SPAG16: variants seen among roughly 807,000 people sequenced by gnomAD.
SPAG16 encodes the protein sperm-associated antigen 16 protein.
SPAG16 carries 86 observed loss-of-function variants against 80.4 expected under a neutral mutation model. The observed-to-expected ratio is 1.07, with a 90% CI of 0.90 to 1.28. The LOEUF is 1.28. Ranked by LOEUF, SPAG16 falls within the 50% of genes most tolerant of loss-of-function variation. The probability of loss-of-function intolerance (pLI) is 0.00; values close to 1 mark genes in which losing one functional copy is unlikely to be tolerated. For synonymous variants in SPAG16, 294 were observed against 265.9 expected (o/e 1.11, Z -1.03); for missense variants, 870 against 765.3 (o/e 1.14, Z -1.61).
chr2:213,406,635 A>G (rs1273789851), intron 9 of SPAG16, among the ~76,000 whole-genome samples: 1 of 152,202 alleles, frequency 6.6e-6, no homozygotes, highest in Admixed American at 6.5e-5. Context: ...CAGTTTAGAA[A>G]TAAGACCTAA....
At chr2:213,916,525 T>C (rs1020026177) in intron 11 of SPAG16, among the ~76,000 whole-genome samples, 15 of 152,222 alleles carry the variant, frequency 9.9e-5, no homozygotes, top group Admixed American at 9.2e-4. Context: ...AGCCTTGTAG[T>C]ATATTTTGAA....
At chr2:213,860,413 AT>A (rs2075379748) in intron 10 of SPAG16, among the ~76,000 whole-genome samples, 2 of 93,962 alleles carry the variant, frequency 2.1e-5, no homozygotes, top group Admixed American at 2.7e-4. Flanking sequence ...ACATATATAA[AT>A]ATATGTGTGT....
chr2:213,862,740 C>A (rs1041271039), intron 11 of SPAG16, 112 bp downstream of exon 11: 31 of 1,173,330 alleles, frequency 2.6e-5, no homozygotes, highest in Non-Finnish European at 3.4e-5. Flanking sequence ...CAACAACACA[C>A]CCTGCACTGA....
intron 10 of SPAG16, among the ~76,000 whole-genome samples, chr2:213,763,933 G>A (rs2068796748): frequency 1.3e-5 from 2 of 152,164 alleles, no homozygotes; most frequent in Non-Finnish European, 2.9e-5. Flanking sequence ...AGCGAGGTTT[G>A]CACAGTTGGG....
intron 15 of SPAG16, among the ~76,000 whole-genome samples, chr2:214,363,072 T>C (rs1028452329): frequency 6.6e-6 from 1 of 151,972 alleles, no homozygotes. Context: ...CCCTCTCTCC[T>C]ATTACTTTAA....
At chr2:213,748,502 T>A (rs1241529137) in intron 10 of SPAG16, among the ~76,000 whole-genome samples, 1 of 152,112 alleles carries the variant, frequency 6.6e-6, no homozygotes, top group Non-Finnish European at 1.5e-5. Flanking sequence ...TTTATTTCAT[T>A]AGTTCTTTGT....
At chr2:213,602,289 C>T (rs185179038) in intron 10 of SPAG16, among the ~76,000 whole-genome samples, 1 of 152,110 alleles carries the variant, frequency 6.6e-6, no homozygotes, top group Admixed American at 6.5e-5. Flanking sequence ...CATTAAGTGA[C>T]CCAGATCTAT....
At chr2:213,435,316 A>C (rs1337757087) in intron 9 of SPAG16, among the ~76,000 whole-genome samples, 2 of 152,228 alleles carry the variant, frequency 1.3e-5, no homozygotes, top group Non-Finnish European at 2.9e-5. Flanking sequence ...TCTCACTTAT[A>C]AGTGAGTGCT....
chr2:213,601,384 GTT>G (rs1157416420), intron 10 of SPAG16, among the ~76,000 whole-genome samples: 1 of 152,126 alleles, frequency 6.6e-6, no homozygotes, highest in East Asian at 1.9e-4. Flanking sequence ...TGGAGTATCA[GTT>G]TCTGAGCCCT....
rs35019214 is a variant in SPAG16 at position 214,041,452 on chromosome 2, C to CTTT, written c.1527+27385_1527+27387dup. ...CTAGGTTGGTGATTTGTAGTAGTTT[C>CTTT]TTTTTTTTTTTTAAATCATGGCTAA... is the stretch of plus-strand genomic sequence containing the variant. On this transcript the variant is annotated intron_variant, in intron 13 of 15. Coordinates refer to ENST00000331683, the MANE Select transcript of SPAG16 (RefSeq NM_024532.5). 6.6e-3 allele frequency among the ~76,000 whole-genome samples: 952 copies of CTTT among 143,240 alleles called. 16 individuals carry two copies. The highest frequency in any genetic ancestry group is 0.023 in the African/African-American group (895 of 38,718). The allele number at this position is 143,240 out of a possible 152,430, so 94.0% of individuals were successfully genotyped here.
chr2:213,636,868 G>T (rs2062382601), intron 10 of SPAG16, among the ~76,000 whole-genome samples: 1 of 152,022 alleles, frequency 6.6e-6, no homozygotes, highest in African/African-American at 2.4e-5. Flanking sequence ...AGTGTTTAGG[G>T]GTTTCTAGGT....
chr2:214,407,472 C>T (rs1160110160), intron 15 of SPAG16, among the ~76,000 whole-genome samples: 2 of 151,924 alleles, frequency 1.3e-5, no homozygotes, highest in Admixed American at 1.3e-4. Context: ...GTATTTCTAC[C>T]ATATTTTCAT....
intron 10 of SPAG16, among the ~76,000 whole-genome samples, chr2:213,563,491 A>C (rs1242687691): frequency 6.6e-6 from 1 of 152,236 alleles, no homozygotes; most frequent in Non-Finnish European, 1.5e-5. Context: ...TTCTAGTCAG[A>C]ACTCTCTTTC....
At chr2:213,478,104 T>C (rs1445458633) in intron 9 of SPAG16, among the ~76,000 whole-genome samples, 1 of 152,174 alleles carries the variant, frequency 6.6e-6, no homozygotes, top group African/African-American at 2.4e-5. Context: ...TGCCTATTTC[T>C]CCTTTTCTGT....
At chr2:213,615,843 A>T (rs2061575927) in intron 10 of SPAG16, among the ~76,000 whole-genome samples, 1 of 151,844 alleles carries the variant, frequency 6.6e-6, no homozygotes, top group Non-Finnish European at 1.5e-5. Context: ...TTACAAAATG[A>T]TTGTTACTTT....
chr2:213,825,307 C>A (rs980774108), intron 10 of SPAG16, among the ~76,000 whole-genome samples: 10 of 152,032 alleles, frequency 6.6e-5, no homozygotes, highest in African/African-American at 2.4e-4. Flanking sequence ...TATTCTAGAT[C>A]TTTGAGAAAA....
At chr2:213,307,339 A>G (rs913160511) in intron 3 of SPAG16, among the ~76,000 whole-genome samples, 4 of 135,484 alleles carry the variant, frequency 3.0e-5, no homozygotes, top group African/African-American at 1.1e-4. Context: ...ATATCTCCCA[A>G]TGCTATCCCT....
At chr2:214,199,121 T>C (rs970677749) in intron 15 of SPAG16, among the ~76,000 whole-genome samples, 5 of 152,152 alleles carry the variant, frequency 3.3e-5, no homozygotes, top group Admixed American at 6.6e-5. Context: ...GTTCCATTTA[T>C]TTATTTTTGT....
At chr2:213,855,123 C>A (rs909280801) in intron 10 of SPAG16, among the ~76,000 whole-genome samples, 11 of 152,182 alleles carry the variant, frequency 7.2e-5, no homozygotes, top group Non-Finnish European at 1.6e-4. Flanking sequence ...TGAATCTAGA[C>A]AATTTTCAGA....
Sources: gnomAD v4.1 joint callset for allele counts (sites outside exome capture counted in the v4.1 genomes callset) on GRCh38, gnomAD v4.1.1 for gene constraint, MANE v1.5 for transcripts, NCBI Gene and HGNC (gene_info 2026-07-23, HGNC 2026-07-21) for gene names.